RETREG1: variants seen among roughly 807,000 people sequenced by gnomAD.
RETREG1 encodes the protein family with sequence similarity 134 member B.
RETREG1 carries 44 observed loss-of-function variants against 54.8 expected under a neutral mutation model. The ratio of observed to expected loss-of-function variants is 0.80; its 90% CI spans 0.63 to 1.03. The LOEUF (loss-of-function observed/expected upper bound fraction) is 1.03, where lower values mean the gene tolerates loss of function less well. RETREG1 is among the 50% of genes least tolerant of loss of function. The probability of loss-of-function intolerance (pLI) is 0.00; values close to 1 mark genes in which losing one functional copy is unlikely to be tolerated. For missense variants in RETREG1, 554 were observed against 605.1 expected (o/e 0.92, Z 0.89); for synonymous variants, 217 against 238.5 (o/e 0.91, Z 0.83).
At chr5:16,514,683 C>A (rs572462998) in intron 3 of RETREG1, among the ~76,000 whole-genome samples, 1 of 151,854 alleles carries the variant, frequency 6.6e-6, no homozygotes, top group East Asian at 1.9e-4. Flanking sequence ...CCTCACCTCC[C>A]TCCCACCATT....
intron 3 of RETREG1, among the ~76,000 whole-genome samples, chr5:16,543,870 T>A (rs536665083): frequency 1.3e-5 from 2 of 152,274 alleles, no homozygotes; most frequent in South Asian, 4.1e-4. Flanking sequence ...TTCGCCACTT[T>A]ACTGACTAAT....
intron 1 of RETREG1, chr5:16,616,365 C>T (rs1369091877): frequency 1.9e-5 from 8 of 430,230 alleles, no homozygotes; most frequent in African/African-American, 4.2e-5. Context: ...TTTTCAAGCA[C>T]GATGGGAACA....
chr5:16,483,211 C>T, intron 4 of RETREG1, 135 bp downstream of exon 4: 1 of 1,015,648 alleles, frequency 9.8e-7, no homozygotes, highest in Non-Finnish European at 1.5e-6. Context: ...TTGCTGATAC[C>T]AGCTTTTATG....
intron 4 of RETREG1, 102 bp from the exon 5 acceptor site, chr5:16,481,195 G>A (rs1190816935): frequency 3.4e-6 from 3 of 887,420 alleles, no homozygotes; most frequent in Non-Finnish European, 5.5e-6. Flanking sequence ...ACCGGTATAA[G>A]TGACCTATCT....
chr5:16,590,299 G>C (rs959543737), intron 1 of RETREG1, among the ~76,000 whole-genome samples: 1 of 152,156 alleles, frequency 6.6e-6, no homozygotes, highest in African/African-American at 2.4e-5. Context: ...ACACACGACA[G>C]CAGCGCCTGC....
rs531682104 is a variant in RETREG1, at chr5:16,527,657, C to T, written c.458+38106G>A. The stretch of plus-strand genomic sequence containing the variant: ...TCATAATTCTTTCTGGGGGTGTGAC[C>T]TCACAGTTGAAAAGGCTAAGTGTCA... On this transcript the variant is annotated intron_variant, in intron 3 of 8. Transcript: ENST00000306320. 2.3e-3 allele frequency among the ~76,000 whole-genome samples: 345 copies of T among 152,066 alleles called. 2 individuals are homozygous for T. Among genetic ancestry groups the T allele is most frequent in the Middle Eastern group, 0.014 (4 of 294 alleles).
chr5:16,614,322 T>C (rs962778296), intron 1 of RETREG1, among the ~76,000 whole-genome samples: 7 of 152,138 alleles, frequency 4.6e-5, no homozygotes, highest in African/African-American at 1.4e-4. Context: ...TATAAATCAA[T>C]AAGGAAAAGA....
At chr5:16,578,948 C>T (rs1231033211) in intron 1 of RETREG1, among the ~76,000 whole-genome samples, 1 of 152,186 alleles carries the variant, frequency 6.6e-6, no homozygotes, top group Non-Finnish European at 1.5e-5. Context: ...AGAGAAAGCT[C>T]TAGAGAAGGT....
chr5:16,517,422 G>A (rs1381002588), intron 3 of RETREG1, among the ~76,000 whole-genome samples: 1 of 152,196 alleles, frequency 6.6e-6, no homozygotes, highest in African/African-American at 2.4e-5. Context: ...GCACGATGGA[G>A]CTGGCTCCTA....
chr5:16,513,766 T>C (rs1740258267), intron 3 of RETREG1, among the ~76,000 whole-genome samples: 1 of 152,326 alleles, frequency 6.6e-6, no homozygotes, highest in Non-Finnish European at 1.5e-5. Flanking sequence ...GAGTCCTGTT[T>C]TCTCTGTTCG....
In RETREG1 at chr5:16,576,673, C is replaced by CG. The variant is rs371456051; in HGVS notation, c.321-4572dup. Among the ~76,000 whole-genome samples, 122 of 152,120 alleles carry CG rather than the reference C, an allele frequency of 8.0e-4. 2 individuals are homozygous for CG. The highest frequency in any genetic ancestry group is 2.1e-3 in the African/African-American group (89 of 41,492). ...GCTAATTTTGTATTTTTAGTAGAGA[C>CG]GGGGTCTCTCCATGTTGAGGCTGGT... On this transcript the variant is annotated intron_variant, in intron 1 of 8. Transcript: ENST00000306320.
intron 3 of RETREG1, among the ~76,000 whole-genome samples, chr5:16,500,134 G>A (rs747970377): frequency 4.6e-5 from 7 of 152,288 alleles, no homozygotes; most frequent in East Asian, 3.9e-4. Flanking sequence ...TTGTCCATAC[G>A]AAGTGGAGCA....
chr5:16,495,359 C>T (rs2126540120), intron 3 of RETREG1, among the ~76,000 whole-genome samples: 1 of 152,290 alleles, frequency 6.6e-6, no homozygotes, highest in African/African-American at 2.4e-5. Flanking sequence ...GTGCAAATAG[C>T]CAAGTCAATG....
At chr5:16,520,250 T>C (rs572727653) in intron 3 of RETREG1, among the ~76,000 whole-genome samples, 23 of 152,164 alleles carry the variant, frequency 1.5e-4, no homozygotes, top group Non-Finnish European at 3.4e-4. Flanking sequence ...CCCTATTTTG[T>C]CATGCTCATC....
chr5:16,605,290 A>G (rs1743154833), intron 1 of RETREG1, among the ~76,000 whole-genome samples: 1 of 152,184 alleles, frequency 6.6e-6, no homozygotes, highest in African/African-American at 2.4e-5. Context: ...GACTACAGGT[A>G]TACCCATCTT....
intron 3 of RETREG1, among the ~76,000 whole-genome samples, chr5:16,543,489 A>T (rs989561146): frequency 6.6e-6 from 1 of 152,144 alleles, no homozygotes; most frequent in Non-Finnish European, 1.5e-5. Context: ...CAGTCTAGCC[A>T]ACATGATGAA....
chr5:16,594,595 C>T lies in RETREG1; in HGVS notation c.320+22057G>A, dbSNP rs1742850340. Among the ~76,000 whole-genome samples the T allele has an allele frequency of 1.3e-5, 2 of 152,010 alleles. No homozygotes were observed. The highest frequency in any genetic ancestry group is 4.8e-5 in the African/African-American group (2 of 41,384). On this transcript the variant is annotated intron_variant, in intron 1 of 8. Transcript: ENST00000306320. This position sits in a 1 kb window ranked among gnomAD's most constrained non-coding sequence, Gnocchi z 4.4. ...CAAAAATTAGCTGGGCGTGGTGGCG[C>T]ATGTCTGTAGTCCCAGATACTCGGG...
chr5:16,590,578 C>T (rs893761235), intron 1 of RETREG1, among the ~76,000 whole-genome samples: 1 of 152,148 alleles, frequency 6.6e-6, no homozygotes, highest in Non-Finnish European at 1.5e-5. Flanking sequence ...AAGTGAAACT[C>T]GGGGCGTGTG....
chr5:16,508,150 G>A (rs1740033721), intron 3 of RETREG1, among the ~76,000 whole-genome samples: 1 of 152,104 alleles, frequency 6.6e-6, no homozygotes, highest in South Asian at 2.1e-4. Flanking sequence ...ATATCAAAAT[G>A]GTATATTGGT....
Sources: allele counts gnomAD v4.1 joint callset (sites outside exome capture counted in the v4.1 genomes callset), GRCh38; gene constraint gnomAD v4.1.1; non-coding constraint Gnocchi (gnomAD v3.1); transcripts MANE v1.5; gene names NCBI Gene and HGNC (gene_info 2026-07-23, HGNC 2026-07-21).